Variants in DNM3 observed in about 807,000 individuals in gnomAD.
The protein encoded by DNM3 is dynamin-3.
In DNM3, 47 loss-of-function variants were observed where a neutral mutation model predicts 101.6. That is an observed-to-expected ratio of 0.46 (90% confidence interval 0.37 to 0.59). DNM3 has a LOEUF of 0.59. Ranked by LOEUF, DNM3 falls within the 20% of genes least tolerant of loss-of-function variation. DNM3 has a pLI of 0.00. For synonymous variants in DNM3, 385 were observed against 387.9 expected (o/e 0.99, Z 0.09); for missense variants, 849 against 1,085.7 (o/e 0.78, Z 3.06).
At chr1:171,938,363 C>T (rs1393050058) in intron 2 of DNM3, among the ~76,000 whole-genome samples, 1 of 152,104 alleles carries the variant, frequency 6.6e-6, no homozygotes, top group East Asian at 1.9e-4. Context: ...GGTGCATATA[C>T]ACTTGTCCCT....
chr1:171,858,131 A>G (rs1434490730), intron 1 of DNM3, among the ~76,000 whole-genome samples: 1 of 152,174 alleles, frequency 6.6e-6, no homozygotes, highest in Non-Finnish European at 1.5e-5. Flanking sequence ...GACTAATAAA[A>G]GTACTTAACT....
intron 2 of DNM3, among the ~76,000 whole-genome samples, chr1:171,954,085 T>C (rs992756302): frequency 2.6e-5 from 4 of 152,152 alleles, no homozygotes; most frequent in African/African-American, 9.6e-5. Context: ...TGCAATTAAC[T>C]CAGTCTTAGA....
At chr1:172,333,095 T>C (rs889968551) in intron 17 of DNM3, among the ~76,000 whole-genome samples, 1 of 152,088 alleles carries the variant, frequency 6.6e-6, no homozygotes, top group Non-Finnish European at 1.5e-5. Flanking sequence ...GGAGAGTGTG[T>C]GTATGTGTGG....
At chr1:172,075,501 G>T (rs975805506) in intron 11 of DNM3, among the ~76,000 whole-genome samples, 1 of 152,206 alleles carries the variant, frequency 6.6e-6, no homozygotes, top group Non-Finnish European at 1.5e-5. Context: ...AAGGTGTAAG[G>T]AAGGTGTCCA....
intron 1 of DNM3, among the ~76,000 whole-genome samples, chr1:171,849,951 A>G (rs1176954841): frequency 6.6e-6 from 1 of 152,244 alleles, no homozygotes; most frequent in African/African-American, 2.4e-5. Flanking sequence ...GTTTTCTCCT[A>G]GAGAATATAT....
intron 17 of DNM3, among the ~76,000 whole-genome samples, chr1:172,354,255 C>T (rs1236277893): frequency 1.3e-5 from 2 of 152,040 alleles, no homozygotes; most frequent in South Asian, 2.1e-4. Context: ...GAGTTAGTCA[C>T]GCAGACACTC....
chr1:172,070,555 GCTT>G (rs1465497233), intron 11 of DNM3, among the ~76,000 whole-genome samples: 1 of 152,108 alleles, frequency 6.6e-6, no homozygotes. Context: ...TCAGTTGCTA[GCTT>G]CTTCATATTT....
At chr1:172,357,155 T>C (rs2067494702) in intron 17 of DNM3, among the ~76,000 whole-genome samples, 1 of 152,054 alleles carries the variant, frequency 6.6e-6, no homozygotes, top group Non-Finnish European at 1.5e-5. Flanking sequence ...AATTTAAAAA[T>C]CACCATTTGC....
chr1:172,126,283 A>G (rs1158706225), intron 13 of DNM3, among the ~76,000 whole-genome samples: 1 of 152,192 alleles, frequency 6.6e-6, no homozygotes, highest in Non-Finnish European at 1.5e-5. Flanking sequence ...TCCAGTGCTG[A>G]ACTCACTTCC....
intron 16 of DNM3, among the ~76,000 whole-genome samples, chr1:172,315,941 T>A (rs574173270): frequency 6.6e-6 from 1 of 151,840 alleles, no homozygotes; most frequent in Non-Finnish European, 1.5e-5. Context: ...AATTGTCAGA[T>A]TCACCAAAGT....
chr1:172,070,688 C>T (rs1185162924), intron 11 of DNM3, among the ~76,000 whole-genome samples: 1 of 152,034 alleles, frequency 6.6e-6, no homozygotes, highest in Non-Finnish European at 1.5e-5. Context: ...TTTTGTGTAA[C>T]TTGTGACAAG....
At chr1:172,212,029 A>G (rs2060531063) in intron 14 of DNM3, among the ~76,000 whole-genome samples, 1 of 152,158 alleles carries the variant, frequency 6.6e-6, no homozygotes, top group South Asian at 2.1e-4. Flanking sequence ...TTAGCAAAGG[A>G]ATGAATTTGT....
chr1:171,886,983 G>A (rs1213506952), intron 1 of DNM3, among the ~76,000 whole-genome samples: 3 of 152,192 alleles, frequency 2.0e-5, no homozygotes, highest in African/African-American at 2.4e-5. Context: ...TTAATGTGAT[G>A]TGATTTGATA....
chr1:171,848,785 G>A (rs950910583), intron 1 of DNM3, among the ~76,000 whole-genome samples: 4 of 152,122 alleles, frequency 2.6e-5, no homozygotes, highest in Non-Finnish European at 4.4e-5. Flanking sequence ...TTTTCAACAA[G>A]CATTAATATT....
At chr1:172,041,565 TG>T (rs1161092769) in intron 7 of DNM3, among the ~76,000 whole-genome samples, 1 of 151,994 alleles carries the variant, frequency 6.6e-6, no homozygotes, top group Non-Finnish European at 1.5e-5. Context: ...ATGGCAACCT[TG>T]AGATCACCTA....
At chr1:171,958,599 G>A (rs1306381438) in intron 2 of DNM3, among the ~76,000 whole-genome samples, 2 of 152,104 alleles carry the variant, frequency 1.3e-5, no homozygotes, top group Non-Finnish European at 2.9e-5. Context: ...GCAAGGGGAT[G>A]GTATAGTCAG....
At chr1:172,069,504 G>C (rs2051985030) in intron 11 of DNM3, among the ~76,000 whole-genome samples, 1 of 152,112 alleles carries the variant, frequency 6.6e-6, no homozygotes, top group African/African-American at 2.4e-5. Context: ...TCCTAGCTTT[G>C]TAATTTGGAA....
chr1:171,846,924 T>C (rs1033142809), intron 1 of DNM3, among the ~76,000 whole-genome samples: 5 of 152,210 alleles, frequency 3.3e-5, no homozygotes, highest in African/African-American at 1.2e-4. Context: ...ATTCCTTACC[T>C]GTTTCCATAT....
In DNM3 at chr1:172,064,599, G is replaced by A. The variant is rs150953198; in HGVS notation, c.1336-4220G>A. 2.3e-4 allele frequency among the ~76,000 whole-genome samples: 35 copies of A among 152,004 alleles called. No homozygotes were observed. The East Asian group carries it at 6.8e-3, about 29-fold the overall frequency. On this transcript the variant is annotated intron_variant, in intron 10 of 20. Transcript: ENST00000627582. ...TCAGAAATCAATTGAAATGTCAGTA[G>A]GACTTTATTTTTTAACCTCTGTATG...
Sources: gnomAD v4.1 joint callset for allele counts (sites outside exome capture counted in the v4.1 genomes callset) on GRCh38, gnomAD v4.1.1 for gene constraint, MANE v1.5 for transcripts, NCBI Gene and HGNC (gene_info 2026-07-23, HGNC 2026-07-21) for gene names.